The following ZNF43 variants were observed in gnomAD, a reference collection of about 807,000 sequenced individuals.
The protein encoded by ZNF43 is zinc finger protein 39-like 1 (KOX 27).
A neutral mutation model predicts 68.4 loss-of-function variants in ZNF43; 44 were observed. The observed-to-expected ratio is 0.64, with a 90% CI of 0.51 to 0.83. The LOEUF is 0.83. Ranked by LOEUF, ZNF43 falls within the 40% of genes least tolerant of loss-of-function variation. The pLI, the probability that ZNF43 is intolerant of heterozygous loss-of-function variation, is 0.00. For synonymous variants in ZNF43, 308 were observed against 307.8 expected (o/e 1.00, Z -0.01); for missense variants, 896 against 933.2 (o/e 0.96, Z 0.52).
chr19:21,828,888 C>A (rs2038273790), intron 1 of ZNF43, among the ~76,000 whole-genome samples: 1 of 151,604 alleles, frequency 6.6e-6, no homozygotes, highest in African/African-American at 2.4e-5. Context: ...AAAAAAATAG[C>A]CGGGTGCCCT....
upstream of ZNF43, among the ~76,000 whole-genome samples, chr19:21,836,589 G>A (rs1355418881): frequency 1.3e-5 from 2 of 152,134 alleles, no homozygotes; most frequent in Non-Finnish European, 2.9e-5. Context: ...TATCCTCTGT[G>A]GGGTTTTTCT....
chr19:21,837,277 C>G (rs758095230), upstream of ZNF43, among the ~76,000 whole-genome samples: 10 of 151,950 alleles, frequency 6.6e-5, no homozygotes, highest in African/African-American at 9.7e-5. Context: ...AAAATAGGTA[C>G]AGAAGTTCTA....
chr19:21,845,885 C>G (rs534908597), intron 1 of ZNF43, among the ~76,000 whole-genome samples: 33 of 143,998 alleles, frequency 2.3e-4, no homozygotes, highest in African/African-American at 7.7e-4. Context: ...AAGAGCGAAA[C>G]TCTGTCTCAA....
Position 21,809,665 on chromosome 19 carries a change from A to G in ZNF43, c.372T>C (p.Cys124=), listed in dbSNP as rs1333789020. Residue 124 remains cysteine (C), a synonymous_variant, in exon 4 of 4, where the codon TGT becomes TGC. Transcript: ENST00000354959. ...CATTATAACCTCCTCTGTGCACCTT[A>G]CACTCATCCACACTTTTATGGTCTT... The part of the protein sequence containing the change: ...LKKDHKSVDE[C]KVHRGGYNGF... The G allele has an allele frequency of 6.2e-7, 1 of 1,613,366 alleles. No individual in the cohort carries two copies. The highest frequency in any genetic ancestry group is 1.3e-5 in the African/African-American group (1 of 74,802).
At chr19:21,838,207 A>C (rs2457791), upstream of ZNF43, among the ~76,000 whole-genome samples, 7,570 of 152,242 alleles carry the variant, frequency 0.05, 401 homozygotes, top group African/African-American at 0.14. Flanking sequence ...ATTTAGAAAT[A>C]AAATGGGAGG....
intron 3 of ZNF43, among the ~76,000 whole-genome samples, chr19:21,813,531 A>G (rs1204758858): frequency 6.6e-6 from 1 of 152,166 alleles, no homozygotes; most frequent in East Asian, 1.9e-4. Context: ...TTTTGAGAAT[A>G]TTATGTCACC....
intron 1 of ZNF43, among the ~76,000 whole-genome samples, chr19:21,825,709 C>T (rs897112445): frequency 4.6e-5 from 7 of 152,084 alleles, no homozygotes; most frequent in Non-Finnish European, 7.4e-5. Flanking sequence ...GGTTTCTGGG[C>T]CCCATGGTCT....
intron 1 of ZNF43, among the ~76,000 whole-genome samples, chr19:21,846,595 GTCTTA>G (rs757862920): frequency 8.1e-4 from 124 of 152,260 alleles, no homozygotes; most frequent in Admixed American, 2.0e-3. Context: ...ATGTCACAAT[GTCTTA>G]TGTGAGCAGG....
upstream of ZNF43, among the ~76,000 whole-genome samples, chr19:21,837,400 A>G (rs1185366901): frequency 7.5e-6 from 1 of 133,240 alleles, no homozygotes; most frequent in Non-Finnish European, 1.6e-5. Context: ...TTGCATCTAC[A>G]TTTGCCTACA....
intron 1 of ZNF43, among the ~76,000 whole-genome samples, chr19:21,820,259 A>ATC: frequency 6.9e-6 from 1 of 145,424 alleles, no homozygotes; most frequent in African/African-American, 2.6e-5. Flanking sequence ...TATATTTTAT[A>ATC]TATATACACA....
Position 21,835,010 on chromosome 19 carries a change from G to A in ZNF43, c.3+1026C>T, listed in dbSNP as rs2038631450. ...TGCTGTAATCCTAGCACTTTGGGAG[G>A]CTGAGGCGGGTGGATCATCTGAGCT... On this transcript the variant is annotated intron_variant, in intron 1 of 3. Coordinates refer to ENST00000354959, the MANE Select transcript of ZNF43 (RefSeq NM_003423.4). Among the ~76,000 whole-genome samples the A allele has an allele frequency of 2.7e-5, 4 of 150,512 alleles. No individual in the cohort carries two copies. The South Asian group carries it at 8.4e-4, about 32-fold the overall frequency.
rs757357072 is a variant in ZNF43, at chr19:21,847,431, TC to T, written c.30+4473del. 3.3e-5 allele frequency among the ~76,000 whole-genome samples: 5 copies of T among 152,144 alleles called. No individual in the cohort carries two copies. The East Asian group carries it at 5.8e-4, about 18-fold the overall frequency. On this transcript the variant is annotated intron_variant, in intron 1 of 3. Coordinates refer to the ZNF43 transcript ENST00000357491. ...AACATTACTGGTCAGGCGCGGTGGC[TC>T]ACACCTATAATCCCAATACTTTGGG...
At chr19:21,832,787 C>T (rs1050484594) in intron 1 of ZNF43, among the ~76,000 whole-genome samples, 1 of 152,098 alleles carries the variant, frequency 6.6e-6, no homozygotes, top group African/African-American at 2.4e-5. Context: ...ATTGCTTCAA[C>T]CTGGGAGATG....
chr19:21,819,964 T>G (rs988278686), intron 1 of ZNF43, among the ~76,000 whole-genome samples: 1 of 150,526 alleles, frequency 6.6e-6, no homozygotes, highest in Non-Finnish European at 1.5e-5. Context: ...TTTGGGAGGC[T>G]GAGGCAGGTG....
intron 1 of ZNF43, chr19:21,851,863 G>A (rs950765186): frequency 3.2e-5 from 49 of 1,547,614 alleles, no homozygotes; most frequent in Non-Finnish European, 4.1e-5. Flanking sequence ...CACTTTCACA[G>A]CCTGCTCTCC....
intron 1 of ZNF43, among the ~76,000 whole-genome samples, chr19:21,831,067 C>A (rs978760208): frequency 2.6e-5 from 4 of 152,104 alleles, no homozygotes; most frequent in African/African-American, 9.7e-5. Context: ...CATGTTAAAA[C>A]CCTCAACGAA....
Position 21,817,908 on chromosome 19 carries a change from T to C in ZNF43, c.209A>G (p.Glu70Gly). The C allele has an allele frequency of 6.2e-7, 1 of 1,613,122 alleles. No individual in the cohort carries two copies. The highest frequency in any genetic ancestry group is 8.5e-7 in the Non-Finnish European group (1 of 1,179,290). The change falls in exon 3 of 4, where the codon GAA becomes GGA. Residue 70 changes from glutamate to glycine, a missense_variant. Coordinates refer to ENST00000354959, the MANE Select transcript of ZNF43 (RefSeq NM_003423.4). ...CCTACCTGGGGGTTTGGCTACCATT[T>C]CATGTCTCCTCATAGGCTCCCAAGG... is the stretch of plus-strand genomic sequence containing the variant. The part of the protein sequence containing the change: ...KEPWEPMRRH[E>G]MVAKPPVMCS...
intron 1 of ZNF43, among the ~76,000 whole-genome samples, chr19:21,820,561 GAGAA>G (rs2037771566): frequency 6.7e-6 from 1 of 149,488 alleles, no homozygotes; most frequent in Non-Finnish European, 1.5e-5. Flanking sequence ...CTGGGTGACA[GAGAA>G]AGACTCTGTC....
chr19:21,850,073 G>A (rs958968865), intron 1 of ZNF43: 2 of 152,198 alleles, frequency 1.3e-5, no homozygotes, highest in Non-Finnish European at 2.9e-5. Flanking sequence ...ACAGGCAGCA[G>A]AGTCACATCA....
Sources: allele counts gnomAD v4.1 joint callset (sites outside exome capture counted in the v4.1 genomes callset), GRCh38; gene constraint gnomAD v4.1.1; transcripts MANE v1.5; gene names NCBI Gene and HGNC (gene_info 2026-07-23, HGNC 2026-07-21).